PDXDC1: variants seen among roughly 807,000 people sequenced by gnomAD.
The protein encoded by PDXDC1 is pyridoxal dependent decarboxylase domain containing 1, also known as pyridoxal-dependent decarboxylase domain-containing protein 1.
Under a neutral mutation model 100.1 loss-of-function variants are expected in PDXDC1, and 42 were observed. The observed-to-expected ratio is 0.42, with a 90% CI of 0.33 to 0.54. The LOEUF (loss-of-function observed/expected upper bound fraction) is 0.54, where lower values mean the gene tolerates loss of function less well. PDXDC1 is among the 20% of genes least tolerant of loss of function. The probability of loss-of-function intolerance (pLI) is 0.10; values close to 1 mark genes in which losing one functional copy is unlikely to be tolerated. For missense variants in PDXDC1, 636 were observed against 979.2 expected, an observed-to-expected ratio of 0.65 and a Z score of 4.68; for synonymous variants, 260 against 371.7, an observed-to-expected ratio of 0.70 and a Z score of 3.46.
intron 16 of PDXDC1, among the ~76,000 whole-genome samples, chr16:15,085,386 A>G (rs1156507779): frequency 1.3e-5 from 2 of 152,208 alleles, no homozygotes; most frequent in Non-Finnish European, 2.9e-5. Context: ...CCTGGGCTCA[A>G]GCAATCCACC....
At chr16:15,064,015 C>T (rs535995875) in intron 16 of PDXDC1, among the ~76,000 whole-genome samples, 1 of 152,268 alleles carries the variant, frequency 6.6e-6, no homozygotes, top group African/African-American at 2.4e-5. Context: ...TTCAGTCAAC[C>T]AAGACTTCAG....
chr16:14,980,243 T>G (rs1373420157), intron 1 of PDXDC1, among the ~76,000 whole-genome samples: 3 of 152,298 alleles, frequency 2.0e-5, no homozygotes, highest in African/African-American at 7.2e-5. Flanking sequence ...TAGGTAGAAG[T>G]TGGTTGAGCT....
intron 16 of PDXDC1, chr16:15,055,856 G>T (rs1292631070): frequency 8.7e-7 from 1 of 1,150,466 alleles, no homozygotes; most frequent in Non-Finnish European, 1.1e-6. Context: ...TTCCCCTCGG[G>T]CCCGCCCCGA....
At chr16:15,147,476 G>A in the PDXDC1 span, among the ~76,000 whole-genome samples, 1 of 152,220 alleles carries the variant, frequency 6.6e-6, no homozygotes, top group Non-Finnish European at 1.5e-5. Context: ...AACACAGAGG[G>A]CTCAGCGCAG....
chr16:15,032,337 A>G (rs2043115452), intron 17 of PDXDC1: 2 of 184,120 alleles, frequency 1.1e-5, no homozygotes, highest in Admixed American at 1.1e-4. Context: ...TGAGACTTCC[A>G]GACCTTGTAT....
intron 16 of PDXDC1, chr16:15,044,753 G>A (rs1037015214): frequency 2.3e-5 from 6 of 258,888 alleles, no homozygotes; most frequent in Admixed American, 2.1e-4. Context: ...GGAGGCTGAG[G>A]TGGGCGGATC....
At chr16:15,048,106 A>C in intron 16 of PDXDC1, 7 of 1,551,976 alleles carry the variant, frequency 4.5e-6, no homozygotes, top group Non-Finnish European at 5.3e-6. Context: ...TTTCCTGTTT[A>C]ATTAAAAAAA....
At chr16:15,055,983 C>A in intron 16 of PDXDC1, 1 of 1,214,846 alleles carries the variant, frequency 8.2e-7, no homozygotes. Context: ...GCGGAGGCGG[C>A]CGCCCAGGCA....
At chr16:15,126,801 C>T (rs1390407947) in intron 16 of PDXDC1, 7 of 163,360 alleles carry the variant, frequency 4.3e-5, no homozygotes, top group East Asian at 1.7e-4. Flanking sequence ...GGACTACAGG[C>T]GCCCGCCACC....
intron 16 of PDXDC1, chr16:15,083,411 G>GA (rs2045785217): frequency 6.5e-7 from 1 of 1,530,690 alleles, no homozygotes; most frequent in Admixed American, 2.2e-5. Context: ...AAAAGAAAAA[G>GA]AAAAAGAAAG....
intron 16 of PDXDC1, among the ~76,000 whole-genome samples, chr16:15,069,027 T>TTTAC (rs1310802397): frequency 6.6e-6 from 1 of 152,198 alleles, no homozygotes; most frequent in Non-Finnish European, 1.5e-5. Context: ...AGAGCTTGTA[T>TTTAC]TTACTTACCT....
At chr16:15,083,586 T>G (rs779591243) in intron 16 of PDXDC1, 2 of 1,597,864 alleles carry the variant, frequency 1.3e-6, no homozygotes, top group Non-Finnish European at 1.7e-6. Flanking sequence ...CGGTGTCCTA[T>G]TTTTAAAAAA....
At chr16:15,142,993 T>G (rs1381382561), downstream of PDXDC1, among the ~76,000 whole-genome samples, 1 of 151,962 alleles carries the variant, frequency 6.6e-6, no homozygotes, top group Non-Finnish European at 1.5e-5. Flanking sequence ...GCTGGAAGGG[T>G]GGGAGCCAGG....
downstream of PDXDC1, chr16:15,041,760 G>C: frequency 1.0e-6 from 1 of 987,202 alleles, no homozygotes; most frequent in South Asian, 1.3e-5. Flanking sequence ...ACGACAGGGA[G>C]GGACGGCAGC....
At chr16:14,991,164 C>G (rs1970696110) in intron 1 of PDXDC1, among the ~76,000 whole-genome samples, 1 of 152,262 alleles carries the variant, frequency 6.6e-6, no homozygotes, top group Non-Finnish European at 1.5e-5. Flanking sequence ...GTTTAAGCAT[C>G]TTGTCATTAC....
In PDXDC1 at chr16:15,028,975, G is replaced by A. The variant is rs2042844863; in HGVS notation, c.1293+9G>A. The A allele has an allele frequency of 6.2e-7, 1 of 1,610,938 alleles. No individual in the cohort carries two copies. The highest frequency in any genetic ancestry group is 1.1e-5 in the South Asian group (1 of 90,970). On this transcript the variant is annotated intron_variant, in intron 15 of 22. Transcript: ENST00000396410. ...ACGCGCTGAATCGCTGGGTGAGAATGGCAGTCACCCCCCTTTCCTTTCAGG... is the reference window on the plus strand; with the variant it reads ...ACGCGCTGAATCGCTGGGTGAGAATAGCAGTCACCCCCCTTTCCTTTCAGG...
chr16:15,065,368 C>T (rs1349819048), intron 16 of PDXDC1: 1 of 1,612,872 alleles, frequency 6.2e-7, no homozygotes, highest in Non-Finnish European at 8.5e-7. Context: ...CGAGCTGGTA[C>T]TTACTGTGGA....
intron 16 of PDXDC1, among the ~76,000 whole-genome samples, chr16:15,088,734 A>G (rs1165975588): frequency 6.6e-6 from 1 of 152,168 alleles, no homozygotes; most frequent in Non-Finnish European, 1.5e-5. Context: ...AAAACTGAAA[A>G]ACGTTCAGTA....
intron 16 of PDXDC1, among the ~76,000 whole-genome samples, chr16:15,082,930 T>C (rs1246386523): frequency 5.3e-5 from 8 of 152,232 alleles, no homozygotes; most frequent in Non-Finnish European, 8.8e-5. Flanking sequence ...TAGTAATTCT[T>C]GTCCATATGA....
Sources: allele counts gnomAD v4.1 joint callset (sites outside exome capture counted in the v4.1 genomes callset), GRCh38; gene constraint gnomAD v4.1.1; transcripts MANE v1.5; gene names NCBI Gene and HGNC (gene_info 2026-07-23, HGNC 2026-07-21).